FGD4: variants seen among roughly 807,000 people sequenced by gnomAD.
FGD4 encodes the protein FYVE, RhoGEF and PH domain-containing protein 4.
FGD4 carries 42 observed loss-of-function variants against 102.0 expected under a neutral mutation model. The ratio of observed to expected loss-of-function variants is 0.41; its 90% CI spans 0.32 to 0.53. The LOEUF is 0.53. Among genes scored for constraint, FGD4 ranks in the 20% least tolerant of loss-of-function variants. The pLI, the probability that FGD4 is intolerant of heterozygous loss-of-function variation, is 0.21. For missense variants in FGD4, 902 were observed against 1,078.2 expected (o/e 0.84, Z 2.29); for synonymous variants, 380 against 375.7 (o/e 1.01, Z -0.13).
intron 1 of FGD4, among the ~76,000 whole-genome samples, chr12:32,457,415 T>A (rs1359389330): frequency 6.6e-6 from 1 of 152,222 alleles, no homozygotes; most frequent in African/African-American, 2.4e-5. Context: ...TTACTAGATT[T>A]TCCTTACTAT....
chr12:32,510,688 G>A (rs1243139274), intron 1 of FGD4, among the ~76,000 whole-genome samples: 1 of 152,144 alleles, frequency 6.6e-6, no homozygotes, highest in Non-Finnish European at 1.5e-5. Context: ...CTAGTAATTA[G>A]ACTGTTTTAC....
At chr12:32,580,390 A>G (rs1428479885) in intron 3 of FGD4, among the ~76,000 whole-genome samples, 1 of 152,162 alleles carries the variant, frequency 6.6e-6, no homozygotes, top group Non-Finnish European at 1.5e-5. Context: ...ATGGTTATTC[A>G]AAGTTCATCA....
In FGD4 at chr12:32,624,411, TTTTA is replaced by T; in HGVS notation, c.1923-7_1923-4del. On this transcript the variant is annotated splice_polypyrimidine_tract_variant and splice_region_variant and intron_variant, in intron 11 of 16. Coordinates refer to ENST00000534526, the MANE Select transcript of FGD4 (RefSeq NM_001370298.3). ...ATTATTTACATTCACTTTAATTTTG[TTTTA>T]TTTTAGTTCTGCGCAAGACAAAGAA... 6.3e-7 allele frequency: 1 copy of T among 1,585,018 alleles called. No homozygotes were observed. The highest frequency in any genetic ancestry group is 8.7e-7 in the Non-Finnish European group (1 of 1,155,528).
chr12:32,413,132 G>C (rs1941275164), intron 1 of FGD4, among the ~76,000 whole-genome samples: 1 of 151,750 alleles, frequency 6.6e-6, no homozygotes, highest in African/African-American at 2.4e-5. Context: ...ATTACCAACA[G>C]GGTGGGGGCT....
At position 32,480,474 on chromosome 12, in the gene FGD4, C is replaced by T. The variant is rs1329213403; in HGVS notation, c.166+80515C>T. On this transcript the variant is annotated intron_variant, in intron 1 of 16. Coordinates refer to ENST00000534526, the MANE Select transcript of FGD4 (RefSeq NM_001370298.3). ...ACAACGCCCAACCTGTTTGTTTTTT[C>T]TTCTCTTTTTTCTTTTCTTTCTTTC... 9.6e-5 allele frequency among the ~76,000 whole-genome samples: 14 copies of T among 146,010 alleles called. No homozygotes were observed. In the Admixed American group the frequency reaches 9.6e-4, roughly 10 times the overall value.
chr12:32,564,301 G>T lies in FGD4; in HGVS notation c.319+12G>T. 1 of 1,535,270 alleles carries T rather than the reference G, an allele frequency of 6.5e-7. No homozygotes were observed. Among genetic ancestry groups the T allele is most frequent in the Non-Finnish European group, 8.7e-7 (1 of 1,146,514 alleles). ...TCCAAAGCCACAAGGTATGCTCACT[G>T]GGAGTTTGTGTTCGGGGTGGGTACG... On this transcript the variant is annotated intron_variant, in intron 2 of 16. Transcript: ENST00000534526.
chr12:32,422,903 G>A (rs1430306866), intron 1 of FGD4, among the ~76,000 whole-genome samples: 1 of 152,080 alleles, frequency 6.6e-6, no homozygotes, highest in Non-Finnish European at 1.5e-5. Flanking sequence ...TCACGAGTGG[G>A]AACTATTACC....
At chr12:32,535,399 G>A (rs1942161916) in intron 1 of FGD4, among the ~76,000 whole-genome samples, 1 of 152,124 alleles carries the variant, frequency 6.6e-6, no homozygotes, top group Admixed American at 6.5e-5. Flanking sequence ...CAAGGTTGGG[G>A]TTGGTGACAG....
chr12:32,600,506 A>C lies in FGD4; in HGVS notation c.1102-772A>C. On this transcript the variant is annotated intron_variant, in intron 5 of 16. Coordinates refer to ENST00000534526, the MANE Select transcript of FGD4 (RefSeq NM_001370298.3). Reference sequence around the variant, plus strand: ...CCTACATGTAACAGAATGGCAATTAAGAGGTATAGTAGCCCTAGTGAAGTA... The same window carrying C: ...CCTACATGTAACAGAATGGCAATTACGAGGTATAGTAGCCCTAGTGAAGTA... The C allele has an allele frequency of 3.2e-6, 4 of 1,251,816 alleles. No homozygotes were observed. In the South Asian group the frequency reaches 5.3e-5, roughly 16 times the overall value. 77.5% of individuals were successfully genotyped at this position (1,251,816 alleles called of 1,614,324 possible).
At chr12:32,480,082 A>G (rs1339924437) in intron 1 of FGD4, among the ~76,000 whole-genome samples, 1 of 151,802 alleles carries the variant, frequency 6.6e-6, no homozygotes, top group Non-Finnish European at 1.5e-5. Flanking sequence ...ATGAACCACT[A>G]CGCCCTGCCT....
At chr12:32,463,391 TG>T (rs1943161948) in intron 1 of FGD4, among the ~76,000 whole-genome samples, 4 of 152,258 alleles carry the variant, frequency 2.6e-5, no homozygotes, top group Admixed American at 2.6e-4. Context: ...ACCTTTGTTG[TG>T]GATTAAAATA....
intron 5 of FGD4, 89 bp from the exon 6 acceptor site, chr12:32,601,189 A>T: frequency 7.3e-7 from 1 of 1,376,292 alleles, no homozygotes; most frequent in Non-Finnish European, 1.0e-6. Flanking sequence ...CTCAATAAAA[A>T]GTTACTAAGA....
intron 16 of FGD4, chr12:32,639,068 G>A: frequency 1.4e-6 from 1 of 727,408 alleles, no homozygotes; most frequent in Non-Finnish European, 2.0e-6. Context: ...ATGAGCATGA[G>A]GAGAAGGGGA....
At chr12:32,475,728 A>G (rs954016775) in intron 1 of FGD4, among the ~76,000 whole-genome samples, 1 of 152,164 alleles carries the variant, frequency 6.6e-6, no homozygotes, top group Non-Finnish European at 1.5e-5. Flanking sequence ...ATGAGCAACC[A>G]CCTAACATCT....
chr12:32,431,204 T>A (rs1041462632), intron 1 of FGD4, among the ~76,000 whole-genome samples: 1 of 152,224 alleles, frequency 6.6e-6, no homozygotes, highest in African/African-American at 2.4e-5. Context: ...TCCTCTCTGA[T>A]TAGCTGGCAG....
At chr12:32,512,924 A>G (rs757164285) in intron 1 of FGD4, among the ~76,000 whole-genome samples, 1 of 152,218 alleles carries the variant, frequency 6.6e-6, no homozygotes, top group Non-Finnish European at 1.5e-5. Context: ...TGGAGAATAG[A>G]TGAAATGGAG....
intron 1 of FGD4, among the ~76,000 whole-genome samples, chr12:32,476,150 A>G (rs955094733): frequency 3.3e-5 from 5 of 152,106 alleles, no homozygotes; most frequent in African/African-American, 1.2e-4. Context: ...GCCACCAGTA[A>G]CATTTCTATA....
chr12:32,480,740 C>T (rs1214764853), intron 1 of FGD4, among the ~76,000 whole-genome samples: 1 of 151,160 alleles, frequency 6.6e-6, no homozygotes, highest in South Asian at 2.1e-4. Context: ...ACCTCGTGAT[C>T]CGCCCTCCTT....
intron 2 of FGD4, among the ~76,000 whole-genome samples, chr12:32,570,570 TA>T (rs1484571563): frequency 6.6e-6 from 1 of 152,028 alleles, no homozygotes; most frequent in East Asian, 1.9e-4. Flanking sequence ...GCCTCCCAAG[TA>T]GCTGGGATTA....
Sources: gnomAD v4.1 joint callset for allele counts (sites outside exome capture counted in the v4.1 genomes callset) on GRCh38, gnomAD v4.1.1 for gene constraint, MANE v1.5 for transcripts, NCBI Gene and HGNC (gene_info 2026-07-23, HGNC 2026-07-21) for gene names.